TSGA10: variants seen among roughly 807,000 people sequenced by gnomAD.
The protein encoded by TSGA10 is testis specific 10.
TSGA10 carries 43 observed loss-of-function variants against 96.6 expected under a neutral mutation model. The ratio of observed to expected loss-of-function variants is 0.44; its 90% CI spans 0.35 to 0.57. The LOEUF (loss-of-function observed/expected upper bound fraction) is 0.57, where lower values mean the gene tolerates loss of function less well. Ranked by LOEUF, TSGA10 falls within the 20% of genes least tolerant of loss-of-function variation. The probability of loss-of-function intolerance (pLI) is 0.01; values close to 1 mark genes in which losing one functional copy is unlikely to be tolerated. For synonymous variants in TSGA10, 229 were observed against 269.9 expected (o/e 0.85, Z 1.48); for missense variants, 703 against 834.4 (o/e 0.84, Z 1.94).
intron 2 of TSGA10, among the ~76,000 whole-genome samples, chr2:99,121,295 G>C (rs1022988684): frequency 6.6e-6 from 1 of 152,078 alleles, no homozygotes; most frequent in African/African-American, 2.4e-5. Flanking sequence ...GAATGGATGA[G>C]TGATCCAGTT....
chr2:99,077,754 G>T (rs1432914332), intron 12 of TSGA10, among the ~76,000 whole-genome samples: 1 of 151,694 alleles, frequency 6.6e-6, no homozygotes, highest in Non-Finnish European at 1.5e-5. Flanking sequence ...ATAGAGACGG[G>T]GGTTTCACTA....
At chr2:99,064,021 A>G (rs2084979991) in intron 16 of TSGA10, among the ~76,000 whole-genome samples, 1 of 152,166 alleles carries the variant, frequency 6.6e-6, no homozygotes, top group Non-Finnish European at 1.5e-5. Context: ...GTATTGATTC[A>G]CATTTGAGAA....
At chr2:99,012,933 A>T (rs4850894) in intron 20 of TSGA10, among the ~76,000 whole-genome samples, 53,316 of 152,068 alleles carry the variant, frequency 0.35, 10,679 homozygotes, top group African/African-American at 0.55. Flanking sequence ...TAGGACACAA[A>T]GCAAGTCTCA....
At chr2:99,080,517 A>C (rs1313122245) in intron 11 of TSGA10, among the ~76,000 whole-genome samples, 1 of 152,188 alleles carries the variant, frequency 6.6e-6, no homozygotes, top group Non-Finnish European at 1.5e-5. Context: ...TCTGAGACAC[A>C]AACTTAAATA....
At chr2:99,030,578 G>C (rs140977930) in intron 17 of TSGA10, among the ~76,000 whole-genome samples, 161 of 150,044 alleles carry the variant, frequency 1.1e-3, no homozygotes, top group African/African-American at 3.7e-3. Flanking sequence ...TTGAGCCCAG[G>C]GGTTCAAGAC....
chr2:99,098,451 AAAAAGAAAAG>A (rs978448451), intron 10 of TSGA10, among the ~76,000 whole-genome samples: 6 of 128,626 alleles, frequency 4.7e-5, no homozygotes, highest in African/African-American at 1.1e-4. Flanking sequence ...AAAAAAAAAA[AAAAAGAAAAG>A]AAAAGAAAAG....
chr2:99,050,585 G>T (rs1453504065), intron 16 of TSGA10, among the ~76,000 whole-genome samples: 1 of 152,150 alleles, frequency 6.6e-6, no homozygotes, highest in Admixed American at 6.5e-5. Flanking sequence ...TATATCATCA[G>T]AATTAAGTTA....
At chr2:99,003,890 A>T (rs1187954894) in intron 20 of TSGA10, among the ~76,000 whole-genome samples, 2 of 152,242 alleles carry the variant, frequency 1.3e-5, no homozygotes, top group Admixed American at 1.3e-4. Flanking sequence ...AATTAAAAGA[A>T]CTATAGAAGC....
chr2:99,009,359 C>G (rs371975321), intron 20 of TSGA10, among the ~76,000 whole-genome samples: 2 of 151,778 alleles, frequency 1.3e-5, no homozygotes. Context: ...TTGGCCTGTT[C>G]AGGAGATCGA....
chr2:99,040,091 CA>C (rs1272197554), intron 16 of TSGA10, among the ~76,000 whole-genome samples: 1 of 152,100 alleles, frequency 6.6e-6, no homozygotes, highest in Admixed American at 6.5e-5. Context: ...TTAAAACCCT[CA>C]GCAAAATCAG....
chr2:99,065,672 T>C lies in TSGA10; in HGVS notation c.1219-548A>G, dbSNP rs547049541. Among the ~76,000 whole-genome samples the C allele has an allele frequency of 2.0e-5, 3 of 152,366 alleles. No individual in the cohort carries two copies. In the East Asian group the frequency reaches 5.8e-4, roughly 29 times the overall value. On this transcript the variant is annotated intron_variant, in intron 15 of 20. Coordinates refer to ENST00000393483, the MANE Select transcript of TSGA10 (RefSeq NM_025244.4). ...ATCTTGATCATGAACTGTTCTATGA[T>C]TATCTTTTACCTGCTAGTCTAGTAA...
chr2:99,046,065 G>GTACCC, intron 16 of TSGA10, among the ~76,000 whole-genome samples: 1 of 151,752 alleles, frequency 6.6e-6, no homozygotes, highest in Admixed American at 6.6e-5. Flanking sequence ...GCACCCAGAT[G>GTACCC]AATAAAGCAA....
intron 10 of TSGA10, among the ~76,000 whole-genome samples, chr2:99,090,832 A>C (rs1457107093): frequency 6.6e-6 from 1 of 152,206 alleles, no homozygotes; most frequent in African/African-American, 2.4e-5. Flanking sequence ...AGAAATCTAA[A>C]AGCATGGGAA....
At chr2:99,046,155 A>G (rs1451536880) in intron 16 of TSGA10, among the ~76,000 whole-genome samples, 3 of 152,184 alleles carry the variant, frequency 2.0e-5, no homozygotes. Context: ...TCAACATTAG[A>G]CAGATCAGCG....
At chr2:99,145,840 T>C (rs1003606391) in intron 1 of TSGA10, among the ~76,000 whole-genome samples, 3 of 152,168 alleles carry the variant, frequency 2.0e-5, no homozygotes, top group Non-Finnish European at 4.4e-5. Flanking sequence ...GGTTTTGTTA[T>C]AAAAGGTTCA....
chr2:99,055,394 A>G (rs2083859327), intron 16 of TSGA10, among the ~76,000 whole-genome samples: 2 of 152,098 alleles, frequency 1.3e-5, no homozygotes, highest in Non-Finnish European at 2.9e-5. Flanking sequence ...AGACAGAAAG[A>G]ATAAGTTTTG....
chr2:99,151,078 T>C, intron 1 of TSGA10: 1 of 328,292 alleles, frequency 3.0e-6, no homozygotes, highest in Non-Finnish European at 5.5e-6. Context: ...TATTATATCC[T>C]TCTTAAAAAC....
chr2:99,145,849 C>T (rs2093626599), intron 1 of TSGA10, among the ~76,000 whole-genome samples: 1 of 152,184 alleles, frequency 6.6e-6, no homozygotes, highest in East Asian at 1.9e-4. Context: ...ATAAAAGGTT[C>T]AAACCAGTCC....
intron 17 of TSGA10, among the ~76,000 whole-genome samples, chr2:99,029,000 C>A (rs2105027241): frequency 6.6e-6 from 1 of 152,084 alleles, no homozygotes; most frequent in African/African-American, 2.4e-5. Flanking sequence ...GTAGAATAAT[C>A]CATTTAATAT....
Sources: allele counts gnomAD v4.1 joint callset (sites outside exome capture counted in the v4.1 genomes callset), GRCh38; gene constraint gnomAD v4.1.1; transcripts MANE v1.5; gene names NCBI Gene and HGNC (gene_info 2026-07-23, HGNC 2026-07-21).